The following SRGAP2B variants were observed in gnomAD, a reference collection of about 807,000 sequenced individuals.
SRGAP2B encodes SLIT-ROBO Rho GTPase activating protein 2B.
Under a neutral mutation model 22.2 loss-of-function variants are expected in SRGAP2B, and 9 were observed. The ratio of observed to expected loss-of-function variants is 0.41; its 90% CI spans 0.24 to 0.71. The LOEUF is 0.71. Among genes scored for constraint, SRGAP2B ranks in the 30% least tolerant of loss-of-function variants. SRGAP2B has a pLI of 0.35. For synonymous variants in SRGAP2B, 36 were observed against 87.4 expected (o/e 0.41, Z 3.28); for missense variants, 114 against 235.8 (o/e 0.48, Z 3.38).
intron 3 of SRGAP2B, among the ~76,000 whole-genome samples, chr1:144,992,135 A>C (rs1324990428): frequency 6.7e-6 from 1 of 149,934 alleles, no homozygotes; most frequent in Non-Finnish European, 1.5e-5. Context: ...GAGCTGTAAC[A>C]CTCACCGTGA....
chr1:144,941,468 C>A (rs1666039877), intron 4 of SRGAP2B, among the ~76,000 whole-genome samples: 2 of 144,354 alleles, frequency 1.4e-5, no homozygotes, highest in Admixed American at 7.0e-5. Flanking sequence ...TGGATGTAGA[C>A]CCAAATGATT....
At chr1:144,958,106 CAAAG>C (rs1474976218) in intron 3 of SRGAP2B, among the ~76,000 whole-genome samples, 6 of 150,428 alleles carry the variant, frequency 4.0e-5, no homozygotes, top group Admixed American at 1.3e-4. Flanking sequence ...GTAAGGGAGA[CAAAG>C]AAAGACCTAT....
chr1:145,011,897 G>A (rs1553622309), intron 2 of SRGAP2B, among the ~76,000 whole-genome samples: 1 of 150,346 alleles, frequency 6.7e-6, no homozygotes, highest in African/African-American at 2.5e-5. Flanking sequence ...ACCTTACATG[G>A]CCCAGTTCAC....
At chr1:144,977,323 TG>T (rs1668972895) in intron 3 of SRGAP2B, among the ~76,000 whole-genome samples, 1 of 61,238 alleles carries the variant, frequency 1.6e-5, no homozygotes, top group African/African-American at 7.0e-5. Flanking sequence ...GTCAATGTCT[TG>T]AAATATAAAG....
At chr1:144,947,496 A>G (rs1666551510) in intron 4 of SRGAP2B, among the ~76,000 whole-genome samples, 1 of 150,184 alleles carries the variant, frequency 6.7e-6, no homozygotes, top group Admixed American at 6.6e-5. Flanking sequence ...TGACTGATTC[A>G]CTAATGGCAA....
chr1:144,993,115 T>C (rs1316301316), intron 3 of SRGAP2B, among the ~76,000 whole-genome samples: 1 of 151,078 alleles, frequency 6.6e-6, no homozygotes, highest in East Asian at 1.9e-4. Flanking sequence ...AGTAACAGGA[T>C]GCCAGTGACT....
intron 4 of SRGAP2B, among the ~76,000 whole-genome samples, chr1:144,927,969 CACT>C (rs1210183995): frequency 1.3e-4 from 1 of 7,792 alleles, no homozygotes; most frequent in Non-Finnish European, 3.0e-4. Flanking sequence ...TACAATTCAC[CACT>C]ACAAGGTACA....
chr1:145,068,219 A>C lies in SRGAP2B; in HGVS notation c.67+24616T>G, dbSNP rs1235079553. ...CTCCGTCTCAAAAAAAAAAAAAAAA[A>C]AAAAAAAACAAATACAGCTCCATGA... On this transcript the variant is annotated intron_variant, in intron 2 of 9. Transcript: ENST00000612199. 7.0e-4 allele frequency among the ~76,000 whole-genome samples: 103 copies of C among 146,426 alleles called. No homozygotes were observed. The East Asian group carries it at 0.013, about 18-fold the overall frequency.
At chr1:145,007,802 C>T (rs1482211326) in intron 2 of SRGAP2B, among the ~76,000 whole-genome samples, 6 of 101,186 alleles carry the variant, frequency 5.9e-5, no homozygotes, top group Admixed American at 9.8e-5. Flanking sequence ...ATTTCTTCTT[C>T]TTTTTTTTTT....
At position 145,036,056 on chromosome 1, in the gene SRGAP2B, G is replaced by C. The variant is rs1307616552; in HGVS notation, c.68-40856C>G. On this transcript the variant is annotated intron_variant, in intron 2 of 9. Coordinates refer to ENST00000612199, the Ensembl canonical transcript of SRGAP2B. The stretch of plus-strand genomic sequence containing the variant: ...AGCAATCAACTGGTGGCAGCATTTA[G>C]GCCCACTAAGACACAACCACCCATT... Among the ~76,000 whole-genome samples the C allele has an allele frequency of 1.1e-4, 15 of 137,574 alleles. No individual in the cohort carries two copies. The East Asian group carries it at 2.2e-3, about 20-fold the overall frequency. The allele number at this position is 137,574 out of a possible 152,430, so 90.3% of individuals were successfully genotyped here.
chr1:144,983,854 C>A (rs1405411679), intron 3 of SRGAP2B, among the ~76,000 whole-genome samples: 2 of 150,470 alleles, frequency 1.3e-5, no homozygotes, highest in Admixed American at 6.6e-5. Context: ...GTGTGCAAAT[C>A]TCTACCAACA....
At chr1:144,985,678 A>G (rs1553615832) in intron 3 of SRGAP2B, among the ~76,000 whole-genome samples, 1 of 150,186 alleles carries the variant, frequency 6.7e-6, no homozygotes, top group African/African-American at 2.5e-5. Context: ...AAGGCTTCCT[A>G]CCCTCGCATA....
intron 3 of SRGAP2B, among the ~76,000 whole-genome samples, chr1:144,984,500 C>T (rs1432065350): frequency 3.3e-4 from 49 of 150,304 alleles, no homozygotes; most frequent in Non-Finnish European, 6.0e-4. Flanking sequence ...ACCTGAATCC[C>T]ATCAGTCAGC....
At position 145,070,123 on chromosome 1, in the gene SRGAP2B, G is replaced by A. The variant is rs587655020; in HGVS notation, c.67+22712C>T. Among the ~76,000 whole-genome samples, 715 of 148,594 alleles carry A rather than the reference G, an allele frequency of 4.8e-3. 28 individuals carry two copies. Among genetic ancestry groups the A allele is most frequent in the African/African-American group, 0.017 (663 of 39,234 alleles). On this transcript the variant is annotated intron_variant, in intron 2 of 9. Coordinates refer to ENST00000612199, the Ensembl canonical transcript of SRGAP2B. ...ATTCCTTTGTACAGTATTTTTACAA[G>A]TATTTGATTTTGTTTACCCTAATTT...
At chr1:144,954,948 C>A (rs587705663) in intron 4 of SRGAP2B, among the ~76,000 whole-genome samples, 2,537 of 150,346 alleles carry the variant, frequency 0.017, 188 homozygotes, top group Admixed American at 0.12. Flanking sequence ...GCTAAATGAA[C>A]TAGAATAGGA....
At chr1:144,908,270 G>A (rs1300619979) in intron 5 of SRGAP2B, among the ~76,000 whole-genome samples, 2 of 150,238 alleles carry the variant, frequency 1.3e-5, no homozygotes, top group Non-Finnish European at 2.9e-5. Context: ...AAAACGTTAT[G>A]AATAAACATG....
chr1:144,902,717 G>A (rs1230577334), intron 7 of SRGAP2B, among the ~76,000 whole-genome samples: 6 of 142,266 alleles, frequency 4.2e-5, no homozygotes, highest in Admixed American at 7.2e-5. Context: ...AGCCGAGATC[G>A]CACCACCGTA....
chr1:144,915,882 C>T (rs1663845075), intron 4 of SRGAP2B, among the ~76,000 whole-genome samples: 1 of 149,900 alleles, frequency 6.7e-6, no homozygotes, highest in African/African-American at 2.5e-5. Flanking sequence ...TATCTTTTGC[C>T]AGCTCCTTCT....
chr1:144,945,569 G>T (rs1322452091), intron 4 of SRGAP2B, among the ~76,000 whole-genome samples: 1 of 151,086 alleles, frequency 6.6e-6, no homozygotes, highest in African/African-American at 2.5e-5. Flanking sequence ...CCAGCCTGGG[G>T]GACAGAGACT....
Sources: allele counts gnomAD v4.1 joint callset (sites outside exome capture counted in the v4.1 genomes callset), GRCh38; gene constraint gnomAD v4.1.1; transcripts MANE v1.5; gene names NCBI Gene and HGNC (gene_info 2026-07-23, HGNC 2026-07-21).